Variants in NAPB observed in about 807,000 individuals in gnomAD.
NAPB encodes the protein NSF attachment protein beta.
Under a neutral mutation model 44.7 loss-of-function variants are expected in NAPB, and 26 were observed. The ratio of observed to expected loss-of-function variants is 0.58; its 90% confidence interval spans 0.43 to 0.81. The LOEUF (loss-of-function observed/expected upper bound fraction) is 0.81. Among genes scored for constraint, NAPB ranks in the 30% least tolerant of loss-of-function variants. The probability of loss-of-function intolerance (pLI) is 0.00; values close to 1 mark genes in which losing one functional copy is unlikely to be tolerated. For missense variants in NAPB, 315 were observed against 356.4 expected (o/e 0.88, Z 0.94); for synonymous variants, 120 against 116.8 (o/e 1.03, Z -0.18).
At chr20:23,382,590 C>G (rs1308722526) in intron 7 of NAPB, among the ~76,000 whole-genome samples, 1 of 146,132 alleles carries the variant, frequency 6.8e-6, no homozygotes. Context: ...AAAGCATCCA[C>G]AAAGAAAAAG....
At chr20:23,408,513 C>T (rs192509796) in intron 1 of NAPB, among the ~76,000 whole-genome samples, 4 of 152,332 alleles carry the variant, frequency 2.6e-5, no homozygotes, top group Admixed American at 2.0e-4. Flanking sequence ...TACACAACTA[C>T]TCTGTGATAT....
chr20:23,379,357 T>C, intron 10 of NAPB, 88 bp downstream of exon 10: 1 of 1,012,308 alleles, frequency 9.9e-7, no homozygotes, highest in East Asian at 2.4e-5. Context: ...TTCAAATAAA[T>C]GTTTAGAATT....
At chr20:23,404,360 T>C (rs1985084724) in intron 1 of NAPB, among the ~76,000 whole-genome samples, 1 of 152,140 alleles carries the variant, frequency 6.6e-6, no homozygotes, top group Non-Finnish European at 1.5e-5. Context: ...TGAACACATG[T>C]ACATGAAAGA....
At chr20:23,421,270 C>A (rs1298403950) in intron 1 of NAPB, 35 bp downstream of exon 1, 1 of 203,694 alleles carries the variant, frequency 4.9e-6, no homozygotes, top group Non-Finnish European at 5.9e-6. Context: ...TACGGAGACC[C>A]CCCCCCCCCA....
At chr20:23,410,464 T>A (rs1985576587) in intron 1 of NAPB, among the ~76,000 whole-genome samples, 1 of 152,204 alleles carries the variant, frequency 6.6e-6, no homozygotes, top group Admixed American at 6.5e-5. Flanking sequence ...TACCGCATGT[T>A]TTCACTTATA....
intron 7 of NAPB, among the ~76,000 whole-genome samples, chr20:23,385,820 G>C (rs1244809007): frequency 1.3e-5 from 2 of 152,102 alleles, no homozygotes; most frequent in African/African-American, 4.8e-5. Context: ...GTATATTAAA[G>C]AACTCGACAA....
chr20:23,415,963 C>T (rs1353875728), intron 1 of NAPB, among the ~76,000 whole-genome samples: 14 of 152,060 alleles, frequency 9.2e-5, no homozygotes, highest in Non-Finnish European at 1.5e-5. Flanking sequence ...GAGAGCTCGT[C>T]TCAAAAAAAT....
intron 1 of NAPB, among the ~76,000 whole-genome samples, chr20:23,418,008 G>A (rs1409811556): frequency 6.6e-6 from 1 of 152,232 alleles, no homozygotes; most frequent in Admixed American, 6.5e-5. Context: ...ACCACTGTGA[G>A]TGGTAAACAC....
chr20:23,401,113 T>C (rs771412085), intron 2 of NAPB, among the ~76,000 whole-genome samples: 2 of 151,926 alleles, frequency 1.3e-5, no homozygotes, highest in African/African-American at 2.4e-5. Flanking sequence ...AACATTCTGT[T>C]TGGGGAAAGA....
chr20:23,377,274 T>C lies in NAPB; in HGVS notation c.*102A>G. On this transcript the variant is annotated 3_prime_UTR_variant, in exon 11 of 11. Transcript: ENST00000377026. ...CAATACACAGGCCGTCTGGCTCATA[T>C]GCAACAAAATTAAGCCATTAAATAG... is the stretch of plus-strand genomic sequence containing the variant. 1.6e-6 allele frequency: 1 copy of C among 619,304 alleles called. No homozygotes were observed. 38.4% of individuals were successfully genotyped at this position (619,304 alleles called of 1,614,324 possible).
At chr20:23,402,274 G>A (rs1388559725) in intron 2 of NAPB, among the ~76,000 whole-genome samples, 1 of 152,134 alleles carries the variant, frequency 6.6e-6, no homozygotes, top group Non-Finnish European at 1.5e-5. Context: ...CCCTGCTCTG[G>A]TCAACGGTGG....
intron 1 of NAPB, among the ~76,000 whole-genome samples, chr20:23,415,467 A>G (rs1985936614): frequency 6.6e-6 from 1 of 152,198 alleles, no homozygotes; most frequent in Non-Finnish European, 1.5e-5. Flanking sequence ...GGTGGCACCC[A>G]TCTGTAATCC....
intron 5 of NAPB, among the ~76,000 whole-genome samples, chr20:23,394,072 C>G (rs6048779): frequency 0.59 from 89,102 of 152,044 alleles, 28,595 homozygotes; most frequent in East Asian, 0.88. Context: ...ATTCAGTGGA[C>G]CCATGAAGGC....
chr20:23,394,818 T>A, intron 5 of NAPB, 104 bp downstream of exon 5: 1 of 1,169,792 alleles, frequency 8.5e-7, no homozygotes, highest in Non-Finnish European at 1.2e-6. Flanking sequence ...AGGCCATCTA[T>A]GACCACTCTA....
intron 5 of NAPB, among the ~76,000 whole-genome samples, chr20:23,392,001 G>C (rs879776222): frequency 6.6e-6 from 1 of 152,202 alleles, no homozygotes; most frequent in Non-Finnish European, 1.5e-5. Context: ...GCAGGGACAA[G>C]AAAACAAATA....
chr20:23,386,349 T>C (rs772141827), intron 7 of NAPB, among the ~76,000 whole-genome samples: 1 of 152,120 alleles, frequency 6.6e-6, no homozygotes, highest in Non-Finnish European at 1.5e-5. Context: ...AGAGAAATAA[T>C]TGAATTCTAC....
chr20:23,383,576 T>C (rs1276667320), intron 7 of NAPB, among the ~76,000 whole-genome samples: 1 of 152,114 alleles, frequency 6.6e-6, no homozygotes, highest in Non-Finnish European at 1.5e-5. Flanking sequence ...ACAATCAACT[T>C]AGAATTATAC....
chr20:23,383,347 T>C (rs893293490), intron 7 of NAPB, among the ~76,000 whole-genome samples: 1 of 151,906 alleles, frequency 6.6e-6, no homozygotes, highest in African/African-American at 2.4e-5. Context: ...AAGAAAAAAA[T>C]TATGAAAGTG....
chr20:23,419,321 A>T (rs562903302), intron 1 of NAPB, among the ~76,000 whole-genome samples: 1 of 152,232 alleles, frequency 6.6e-6, no homozygotes, highest in African/African-American at 2.4e-5. Context: ...TCGTCTTCTT[A>T]TATGTCCTGT....
Sources: gnomAD v4.1 joint callset for allele counts (sites outside exome capture counted in the v4.1 genomes callset) on GRCh38, gnomAD v4.1.1 for gene constraint, MANE v1.5 for transcripts, NCBI Gene and HGNC (gene_info 2026-07-23, HGNC 2026-07-21) for gene names.